CFAP144: variants seen among roughly 807,000 people sequenced by gnomAD.
CFAP144 encodes the protein cilia and flagella associated protein 144, also known as cilia- and flagella-associated protein 144.
At chr1:43,148,159 G>A in the CFAP144 span, 2 of 1,483,858 alleles carry the variant, frequency 1.3e-6, no homozygotes, top group East Asian at 4.6e-5. Flanking sequence ...CCGGGTTGCG[G>A]GGTGGGAACG....
chr1:43,147,907 G>T, the CFAP144 span: 23 of 1,608,268 alleles, frequency 1.4e-5, no homozygotes, highest in Non-Finnish European at 1.8e-5. Context: ...GTTGCCTGGA[G>T]ACTGTGGAAG....
At chr1:43,148,104 G>C in the CFAP144 span, 24 of 1,611,046 alleles carry the variant, frequency 1.5e-5, no homozygotes, top group Middle Eastern at 1.6e-4. Context: ...ACGGCGGGGT[G>C]GGGGAAGGGC....
At chr1:43,147,320 A>G in the CFAP144 span, among the ~76,000 whole-genome samples, 1 of 152,254 alleles carries the variant, frequency 6.6e-6, no homozygotes, top group Non-Finnish European at 1.5e-5. Flanking sequence ...ATACTACTGT[A>G]CTGTAATACT....
At chr1:43,151,648 G>A in the CFAP144 span, among the ~76,000 whole-genome samples, 1 of 152,126 alleles carries the variant, frequency 6.6e-6, no homozygotes, top group African/African-American at 2.4e-5. Context: ...GCCCTATTTG[G>A]GAGTGAGAGA....
At chr1:43,152,697 T>C in the CFAP144 span, 6 of 983,830 alleles carry the variant, frequency 6.1e-6, no homozygotes, top group Admixed American at 2.9e-5. Context: ...CACCCTGGTC[T>C]TGAGGCTGAG....
chr1:43,152,886 G>A, the CFAP144 span: 1 of 1,613,470 alleles, frequency 6.2e-7, no homozygotes, highest in Admixed American at 1.7e-5. Context: ...AGTACCCAGA[G>A]ACACAGACTG....
chr1:43,145,306 T>G, the CFAP144 span: 22 of 1,546,996 alleles, frequency 1.4e-5, no homozygotes, highest in South Asian at 8.3e-5. Context: ...GGGTAAGTCT[T>G]GTCGATCTGC....
chr1:43,145,393 A>C, the CFAP144 span: 1 of 967,144 alleles, frequency 1.0e-6, no homozygotes, highest in Non-Finnish European at 1.6e-6. Flanking sequence ...ATGGGGACTT[A>C]GGTTTGTTTC....
chr1:43,154,351 A>G, the CFAP144 span, among the ~76,000 whole-genome samples: 2 of 146,236 alleles, frequency 1.4e-5, no homozygotes, highest in East Asian at 2.0e-4. Context: ...TTTTATATAT[A>G]TACATACAAA....
At chr1:43,152,169 G>A in the CFAP144 span, among the ~76,000 whole-genome samples, 4 of 152,100 alleles carry the variant, frequency 2.6e-5, no homozygotes, top group Admixed American at 6.5e-5. Flanking sequence ...TCCATTGTCC[G>A]CCTGCGTCTC....
chr1:43,152,077 T>C, the CFAP144 span, among the ~76,000 whole-genome samples: 1 of 152,076 alleles, frequency 6.6e-6, no homozygotes, highest in Admixed American at 6.5e-5. Context: ...TTCCTCCCAT[T>C]TCACAGATGA....
At chr1:43,152,057 GAT>G in the CFAP144 span, among the ~76,000 whole-genome samples, 5 of 152,116 alleles carry the variant, frequency 3.3e-5, no homozygotes, top group Non-Finnish European at 7.3e-5. Context: ...ATCTTGCTGA[GAT>G]AGACATTTTC....
chr1:43,147,765 C>T, the CFAP144 span: 1 of 1,446,370 alleles, frequency 6.9e-7, no homozygotes, highest in Non-Finnish European at 9.0e-7. Context: ...TCCCGACCGG[C>T]GGGCGCGGGG....
At chr1:43,145,916 A>T in the CFAP144 span, among the ~76,000 whole-genome samples, 1 of 152,250 alleles carries the variant, frequency 6.6e-6, no homozygotes, top group African/African-American at 2.4e-5. Context: ...AGAGTCCAGA[A>T]ATGGACTTGC....
chr1:43,153,615 A>T, the CFAP144 span, among the ~76,000 whole-genome samples: 1 of 151,922 alleles, frequency 6.6e-6, no homozygotes, highest in Non-Finnish European at 1.5e-5. Flanking sequence ...TCTTAAAAAA[A>T]ATATTAATTT....
At chr1:43,153,608 TA>T in the CFAP144 span, among the ~76,000 whole-genome samples, 3 of 151,212 alleles carry the variant, frequency 2.0e-5, no homozygotes, top group African/African-American at 7.3e-5. Flanking sequence ...GACTCTGTCT[TA>T]AAAAAAATAT....
the CFAP144 span, among the ~76,000 whole-genome samples, chr1:43,147,543 G>A: frequency 6.6e-6 from 1 of 152,184 alleles, no homozygotes; most frequent in Non-Finnish European, 1.5e-5. Flanking sequence ...TCTGCTTTAA[G>A]GTGGGAGAGG....
At chr1:43,143,814 A>G in the CFAP144 span, among the ~76,000 whole-genome samples, 87 of 152,340 alleles carry the variant, frequency 5.7e-4, no homozygotes, top group Middle Eastern at 3.4e-3. Context: ...TCCTGTTCAG[A>G]GACGCAGGAG....
chr1:43,153,017 A>G, the CFAP144 span: 8 of 1,502,570 alleles, frequency 5.3e-6, no homozygotes, highest in Non-Finnish European at 7.2e-6. Context: ...GGGGCCAGAC[A>G]TGCCTGGGCT....
Sources: gnomAD v4.1 joint callset for allele counts (sites outside exome capture counted in the v4.1 genomes callset) on GRCh38, gnomAD v4.1.1 for gene constraint, MANE v1.5 for transcripts, NCBI Gene and HGNC (gene_info 2026-07-23, HGNC 2026-07-21) for gene names.